GPT2: variants seen among roughly 807,000 people sequenced by gnomAD.
The protein encoded by GPT2 is alanine aminotransferase 2.
Under a neutral mutation model 56.9 loss-of-function variants are expected in GPT2, and 30 were observed. The ratio of observed to expected loss-of-function variants is 0.53; its 90% confidence interval spans 0.39 to 0.72. The LOEUF is 0.72. Among genes scored for constraint, GPT2 ranks in the 30% least tolerant of loss-of-function variants. The probability of loss-of-function intolerance (pLI) is 0.00; values close to 1 mark genes in which losing one functional copy is unlikely to be tolerated. For missense variants in GPT2, 542 were observed against 703.4 expected (o/e 0.77, Z 2.60); for synonymous variants, 271 against 283.1 (o/e 0.96, Z 0.43).
In GPT2 at chr16:46,909,740, C is replaced by T. The variant is rs760014043; in HGVS notation, c.633C>T (p.Ile211=). 6.2e-7 allele frequency: 1 copy of T among 1,613,928 alleles called. No homozygotes were observed. Among genetic ancestry groups the T allele is most frequent in the Non-Finnish European group, 8.5e-7 (1 of 1,179,838 alleles). ...GCAAGTCACGGACAGGTGTGATGAT[C>T]CCCATCCCACAATATCCCCTCTATT... ...GGGKSRTGVM[I]PIPQYPLYSA... is the part of the protein sequence containing the mutation. The change falls in exon 6 of 12, where the codon ATC becomes ATT. Residue 211 remains isoleucine, a synonymous_variant. Coordinates refer to ENST00000340124, the MANE Select transcript of GPT2 (RefSeq NM_133443.4).
chr16:46,902,016 G>A (rs567271569), intron 4 of GPT2, among the ~76,000 whole-genome samples: 1 of 152,356 alleles, frequency 6.6e-6, no homozygotes, highest in African/African-American at 2.4e-5. Context: ...GTGGCCATGG[G>A]CCTAAAACTC....
Position 46,916,598 on chromosome 16 carries a change from G to A in GPT2, c.821-30G>A, listed in dbSNP as rs770647365. 1.2e-5 allele frequency: 18 copies of A among 1,549,114 alleles called. No individual in the cohort carries two copies. The Admixed American group carries it at 1.5e-4, about 13-fold the overall frequency. On this transcript the variant is annotated intron_variant, in intron 6 of 11. Transcript: ENST00000340124. The stretch of plus-strand genomic sequence containing the variant: ...GGACAATTTAAACAGCATTACAACC[G>A]ACATTTTGGTTTTCTTGGGGATTTT...
intron 8 of GPT2, among the ~76,000 whole-genome samples, chr16:46,919,044 A>G (rs1961228760): frequency 6.6e-6 from 1 of 152,296 alleles, no homozygotes. Context: ...ACTTGTTCCG[A>G]GGTTGACTGA....
chr16:46,895,273 A>G (rs1960664857), intron 2 of GPT2, among the ~76,000 whole-genome samples: 1 of 152,032 alleles, frequency 6.6e-6, no homozygotes, highest in Non-Finnish European at 1.5e-5. Flanking sequence ...ACTTGTAATC[A>G]CAGCACTTTG....
intron 2 of GPT2, 74 bp from the exon 3 acceptor site, chr16:46,897,574 G>C (rs956688150): frequency 7.2e-7 from 1 of 1,389,340 alleles, no homozygotes; most frequent in Non-Finnish European, 1.0e-6. Context: ...TATCCTGCGG[G>C]AACCTTGCCT....
intron 9 of GPT2, chr16:46,924,150 T>G: frequency 5.3e-6 from 3 of 565,364 alleles, no homozygotes; most frequent in Non-Finnish European, 9.9e-6. Context: ...TCAGTCTGTC[T>G]GATACCCCAG....
At chr16:46,900,600 A>G in intron 3 of GPT2, 82 bp from the exon 4 acceptor site, 1 of 1,044,832 alleles carries the variant, frequency 9.6e-7, no homozygotes, top group Non-Finnish European at 1.5e-6. Context: ...GGGAGCTGTC[A>G]TCCTCCCAGT....
intron 3 of GPT2, among the ~76,000 whole-genome samples, chr16:46,900,460 C>T (rs761734494): frequency 7.2e-5 from 11 of 152,158 alleles, no homozygotes; most frequent in Non-Finnish European, 1.5e-4. Context: ...CTTCCAGCAG[C>T]CCAGGTCATA....
intron 3 of GPT2, among the ~76,000 whole-genome samples, chr16:46,899,006 T>TGTGTATATATATACACACACAC (rs1960757125): frequency 4.7e-4 from 1 of 2,126 alleles, no homozygotes; most frequent in Non-Finnish European, 1.8e-3. Context: ...CACATATATA[T>TGTGTATATATATACACACACAC]ATATATATAT....
chr16:46,895,097 GCCACTTCCGGGGCATCTTCAGTC>G (rs1960662302), intron 2 of GPT2, among the ~76,000 whole-genome samples: 1 of 152,096 alleles, frequency 6.6e-6, no homozygotes, highest in Non-Finnish European at 1.5e-5. Flanking sequence ...ATGGTCCAGA[GCCACTTCCGGGGCATCTTCAGTC>G]CCCCATGCCT....
Position 46,884,787 on chromosome 16 carries a change from G to T in GPT2, c.72G>T (p.Gln24His). Reference protein sequence around the residue: ...PRTPSSWGRSQSSAAAEASAV... With the variant: ...PRTPSSWGRSHSSAAAEASAV... Reference sequence around the variant, plus strand: ...CCCCCAGCTCCTGGGGCCGCAGCCAGAGCAGCGCGGCCGCCGAGGCCTCGG... The same window carrying T: ...CCCCCAGCTCCTGGGGCCGCAGCCATAGCAGCGCGGCCGCCGAGGCCTCGG... Residue 24 changes from glutamine (Q) to histidine (H), a missense_variant, in exon 2 of 12, where the codon CAG (glutamine) becomes CAT (histidine). Physicochemically the swap from Gln to His is conservative, Grantham distance 24. Transcript: ENST00000340124. 1 of 1,524,636 alleles carries T rather than the reference G, an allele frequency of 6.6e-7. No individual in the cohort carries two copies. The highest frequency in any genetic ancestry group is 1.2e-5 in the South Asian group (1 of 81,484). The allele number at this position is 1,524,636 out of a possible 1,614,324, so 94.4% of individuals were successfully genotyped here.
Position 46,929,041 on chromosome 16 carries a change from C to T in GPT2, c.*44C>T. On this transcript the variant is annotated 3_prime_UTR_variant, in exon 12 of 12. Transcript: ENST00000340124. Reference sequence around the variant, plus strand: ...GGGAGACCTGTCCTTGGCTCTTCCTCCCAATGCCCGTCAGGCTGAACTCGC... The same window carrying T: ...GGGAGACCTGTCCTTGGCTCTTCCTTCCAATGCCCGTCAGGCTGAACTCGC... The T allele has an allele frequency of 4.0e-6, 6 of 1,489,072 alleles. No individual in the cohort carries two copies. In the African/African-American group the frequency reaches 4.1e-5, roughly 10 times the overall value. 92.2% of individuals were successfully genotyped at this position (1,489,072 alleles called of 1,614,324 possible). A position where few individuals can be genotyped will look rare whatever the true frequency, so the allele number is the denominator to read the frequency against.
chr16:46,929,918 G>A lies in GPT2; in HGVS notation c.*921G>A, dbSNP rs1233097569. ...CCCCTGCTGGCGACAGCGGGGAAAT[G>A]AGGGCTGAAAATATCCTCCCCACAA... On this transcript the variant is annotated 3_prime_UTR_variant, in exon 12 of 12. Transcript: ENST00000340124. 2.0e-5 allele frequency: 3 copies of A among 152,580 alleles called. No individual in the cohort carries two copies. The highest frequency in any genetic ancestry group is 1.9e-4 in the East Asian group (1 of 5,200). The allele number at this position is 152,580 out of a possible 1,614,324, so 9.5% of individuals were successfully genotyped here.
At chr16:46,885,191 A>G (rs1191406048) in intron 2 of GPT2, 41 of 1,265,488 alleles carry the variant, frequency 3.2e-5, no homozygotes, top group South Asian at 5.8e-5. Flanking sequence ...GAATTCGTCA[A>G]TTGTTGAGCG....
At chr16:46,897,588 C>T (rs542464361) in intron 2 of GPT2, 60 bp from the exon 3 acceptor site, 13 of 1,514,328 alleles carry the variant, frequency 8.6e-6, no homozygotes, top group Admixed American at 1.7e-5. Context: ...CTTGCCTGGC[C>T]TCTGGAATCC....
rs1048679401 is a variant in GPT2 at position 46,897,720 on chromosome 16, A to G, written c.316A>G (p.Ile106Val). The change falls in exon 3 of 12, where the codon ATC becomes GTC. Residue 106 changes from isoleucine to valine, a missense_variant. Transcript: ENST00000340124. ...GDAQAMGQQP[I>V]TFLRQVMALC... Reference sequence around the variant, plus strand: ...CGCCCAGGCTATGGGGCAGCAGCCAATCACCTTCCTCCGGCAGGTGAGCCG... The same window carrying G: ...CGCCCAGGCTATGGGGCAGCAGCCAGTCACCTTCCTCCGGCAGGTGAGCCG... 10 of 1,613,696 alleles carry G rather than the reference A, an allele frequency of 6.2e-6. No homozygotes were observed. Among genetic ancestry groups the G allele is most frequent in the African/African-American group, 1.3e-5 (1 of 74,870 alleles).
intron 2 of GPT2, among the ~76,000 whole-genome samples, chr16:46,896,144 C>G (rs1960681881): frequency 6.6e-6 from 1 of 152,206 alleles, no homozygotes; most frequent in African/African-American, 2.4e-5. Context: ...GGCTTTCACA[C>G]TGTTTGTTTC....
chr16:46,902,299 A>AG (rs886102423), intron 4 of GPT2, among the ~76,000 whole-genome samples: 2 of 152,156 alleles, frequency 1.3e-5, no homozygotes, highest in African/African-American at 4.8e-5. Context: ...TAAACAGGTG[A>AG]GGTAGGAGTC....
chr16:46,916,657 G>A lies in GPT2; in HGVS notation c.850G>A (p.Asp284Asn). 1 of 1,614,000 alleles carries A rather than the reference G, an allele frequency of 6.2e-7. No homozygotes were observed. Among genetic ancestry groups the A allele is most frequent in the Middle Eastern group, 1.7e-4 (1 of 6,060 alleles). Reference protein sequence around the residue: ...GQVQSRKCIEDVIHFAWEEKL... With the variant: ...GQVQSRKCIENVIHFAWEEKL... Reference sequence around the variant, plus strand: ...GGTACAAAGCAGAAAGTGCATAGAAGATGTGATCCACTTTGCCTGGGAAGA... The same window carrying A: ...GGTACAAAGCAGAAAGTGCATAGAAAATGTGATCCACTTTGCCTGGGAAGA... The change falls in exon 7 of 12, where the codon GAT becomes AAT. Residue 284 changes from aspartate (D) to asparagine (N), a missense_variant. Asp to Asn is a conservative substitution (Grantham distance 23). Coordinates refer to ENST00000340124, the MANE Select transcript of GPT2 (RefSeq NM_133443.4).
Sources: allele counts gnomAD v4.1 joint callset (sites outside exome capture counted in the v4.1 genomes callset), GRCh38; gene constraint gnomAD v4.1.1; transcripts MANE v1.5; gene names NCBI Gene and HGNC (gene_info 2026-07-23, HGNC 2026-07-21).